ANO4: variants seen among roughly 807,000 people sequenced by gnomAD.
ANO4 encodes anoctamin-4.
Under a neutral mutation model 141.9 loss-of-function variants are expected in ANO4, and 69 were observed. The ratio of observed to expected loss-of-function variants is 0.49; its 90% CI spans 0.40 to 0.59. ANO4 has a LOEUF of 0.59. Among genes scored for constraint, ANO4 ranks in the 20% least tolerant of loss-of-function variants. ANO4 has a pLI of 0.00. For missense variants in ANO4, 894 were observed against 1,162.2 expected (o/e 0.77, Z 3.36); for synonymous variants, 350 against 394.3 (o/e 0.89, Z 1.33).
chr12:100,924,850 G>T (rs1324494923), intron 3 of ANO4, among the ~76,000 whole-genome samples: 2 of 152,016 alleles, frequency 1.3e-5, no homozygotes, highest in Admixed American at 6.6e-5. Flanking sequence ...TGAACTAAAG[G>T]TTAGTAAGGT....
intron 1 of ANO4, among the ~76,000 whole-genome samples, chr12:100,853,134 A>G (rs2037970540): frequency 6.6e-6 from 1 of 152,070 alleles, no homozygotes; most frequent in African/African-American, 2.4e-5. Context: ...CCATTTTTCT[A>G]CTTAATTATA....
chr12:100,877,288 A>G (rs1029383276), intron 1 of ANO4, among the ~76,000 whole-genome samples: 1 of 151,834 alleles, frequency 6.6e-6, no homozygotes, highest in Non-Finnish European at 1.5e-5. Context: ...ATAATCACAA[A>G]AAAAGATAAG....
chr12:100,835,827 A>G (rs1031328679), intron 1 of ANO4, among the ~76,000 whole-genome samples: 3 of 152,114 alleles, frequency 2.0e-5, no homozygotes, highest in Non-Finnish European at 4.4e-5. Flanking sequence ...ATTATCTAAT[A>G]CTGAGTGGCT....
intron 5 of ANO4, among the ~76,000 whole-genome samples, chr12:100,962,231 ACTCGAAGT>A (rs1280819553): frequency 3.3e-5 from 5 of 152,142 alleles, no homozygotes; most frequent in Admixed American, 3.3e-4. Flanking sequence ...TGAGAAAGCT[ACTCGAAGT>A]CTCGATCACA....
chr12:101,057,564 C>T (rs1332651150), intron 14 of ANO4, among the ~76,000 whole-genome samples: 30 of 152,250 alleles, frequency 2.0e-4, no homozygotes, highest in Admixed American at 1.4e-3. Context: ...TTCTAACTGG[C>T]ATGAGATGGT....
At chr12:101,069,361 T>C (rs1320436346) in intron 14 of ANO4, 12 of 584,134 alleles carry the variant, frequency 2.1e-5, no homozygotes, top group Non-Finnish European at 3.4e-5. Context: ...AATAAATATT[T>C]TGATTTCTAC....
intron 1 of ANO4, among the ~76,000 whole-genome samples, chr12:100,806,924 T>A (rs1412940057): frequency 6.6e-6 from 1 of 152,142 alleles, no homozygotes; most frequent in African/African-American, 2.4e-5. Flanking sequence ...TTATTTGTCT[T>A]TGATATTGTT....
rs2041142364 is a variant in ANO4 at position 100,912,403 on chromosome 12, AAAAAAAG to A, written c.56-9809_56-9803del. 3.6e-5 allele frequency among the ~76,000 whole-genome samples: 4 copies of A among 110,790 alleles called. No homozygotes were observed. In the South Asian group the frequency reaches 1.6e-3, roughly 46 times the overall value. 72.7% of individuals were successfully genotyped at this position (110,790 alleles called of 152,430 possible). A position where few individuals can be genotyped will look rare whatever the true frequency, so the allele number is the denominator to read the frequency against. On this transcript the variant is annotated intron_variant, in intron 2 of 27. Transcript: ENST00000392977. ...GAGCAGGACTCTGTCAAAAAAAAAA[AAAAAAAG>A]AAAAAAGAAAAAAAAAAAAAAGCTG...
At chr12:101,016,664 C>T (rs1020465632) in intron 8 of ANO4, among the ~76,000 whole-genome samples, 9 of 152,172 alleles carry the variant, frequency 5.9e-5, no homozygotes, top group Non-Finnish European at 1.0e-4. Context: ...CAGAGATGAG[C>T]ATGGCCGGTT....
intron 2 of ANO4, among the ~76,000 whole-genome samples, chr12:100,734,818 A>C (rs1405624469): frequency 6.6e-6 from 1 of 152,266 alleles, no homozygotes; most frequent in Admixed American, 6.5e-5. Flanking sequence ...AGGTTACTTA[A>C]GTATGTTCAA....
chr12:101,096,453 C>CTG, intron 18 of ANO4, 83 bp from the exon 19 acceptor site: 1 of 1,122,496 alleles, frequency 8.9e-7, no homozygotes. Flanking sequence ...CGTCCCCACC[C>CTG]TGTGTGTGTG....
At chr12:101,091,919 T>A (rs1593247634) in intron 17 of ANO4, among the ~76,000 whole-genome samples, 1 of 152,132 alleles carries the variant, frequency 6.6e-6, no homozygotes. Context: ...ATTATGCCTC[T>A]TAATGGCTGG....
At chr12:101,012,641 G>A (rs2046144606) in intron 8 of ANO4, among the ~76,000 whole-genome samples, 2 of 152,130 alleles carry the variant, frequency 1.3e-5, no homozygotes, top group African/African-American at 4.8e-5. Context: ...AGGACTGTGT[G>A]GAAAGGTGAA....
intron 1 of ANO4, among the ~76,000 whole-genome samples, chr12:100,844,020 G>T (rs1390020850): frequency 6.7e-6 from 1 of 149,840 alleles, no homozygotes; most frequent in Non-Finnish European, 1.5e-5. Context: ...CATTCATTCA[G>T]CAGTTATTTA....
At chr12:101,021,797 T>C (rs1174868699) in intron 9 of ANO4, among the ~76,000 whole-genome samples, 1 of 152,240 alleles carries the variant, frequency 6.6e-6, no homozygotes, top group East Asian at 1.9e-4. Context: ...TTGAGATTTT[T>C]CAAATGCTTA....
intron 3 of ANO4, among the ~76,000 whole-genome samples, chr12:100,783,661 G>A (rs1183380870): frequency 6.6e-6 from 1 of 152,160 alleles, no homozygotes; most frequent in East Asian, 1.9e-4. Context: ...AGGGTGGCTA[G>A]ATGAGCAGGC....
chr12:100,786,817 A>C (rs2033887840), intron 3 of ANO4, among the ~76,000 whole-genome samples: 1 of 152,222 alleles, frequency 6.6e-6, no homozygotes, highest in Non-Finnish European at 1.5e-5. Context: ...AATTTTAATA[A>C]ATGAGCTAAT....
At chr12:101,090,280 T>TA (rs1285750644) in intron 17 of ANO4, among the ~76,000 whole-genome samples, 2 of 152,202 alleles carry the variant, frequency 1.3e-5, no homozygotes, top group Non-Finnish European at 2.9e-5. Flanking sequence ...ATCATGCTGC[T>TA]ATAAAGACAC....
chr12:101,110,640 T>A, intron 23 of ANO4, 84 bp downstream of exon 23: 1 of 1,216,342 alleles, frequency 8.2e-7, no homozygotes, highest in Non-Finnish European at 1.1e-6. Flanking sequence ...TTTAGATTTT[T>A]AATTATGTTT....
Sources: gnomAD v4.1 joint callset for allele counts (sites outside exome capture counted in the v4.1 genomes callset) on GRCh38, gnomAD v4.1.1 for gene constraint, MANE v1.5 for transcripts, NCBI Gene and HGNC (gene_info 2026-07-23, HGNC 2026-07-21) for gene names.